Variants in OPCML observed in about 807,000 individuals in gnomAD.
OPCML encodes opioid binding protein/cell adhesion molecule like.
In OPCML, 13 loss-of-function variants were observed where a neutral mutation model predicts 37.8. The ratio of observed to expected loss-of-function variants is 0.34; its 90% CI spans 0.22 to 0.55. OPCML has a LOEUF of 0.55. OPCML is among the 20% of genes least tolerant of loss of function. The probability of loss-of-function intolerance (pLI) is 0.91; values close to 1 mark genes in which losing one functional copy is unlikely to be tolerated. For synonymous variants in OPCML, 176 were observed against 168.8 expected (o/e 1.04, Z -0.33); for missense variants, 341 against 435.6 (o/e 0.78, Z 1.93).
intron 2 of OPCML, among the ~76,000 whole-genome samples, chr11:132,837,934 G>A (rs577781576): frequency 6.6e-6 from 1 of 152,306 alleles, no homozygotes; most frequent in South Asian, 2.1e-4. Flanking sequence ...AGGGCCTCAC[G>A]TTCAATGCCA....
intron 1 of OPCML, among the ~76,000 whole-genome samples, chr11:133,420,002 G>T (rs1945852592): frequency 6.6e-6 from 1 of 152,102 alleles, no homozygotes; most frequent in East Asian, 1.9e-4. Context: ...TCATAAATTG[G>T]CTATGGATAC....
intron 2 of OPCML, among the ~76,000 whole-genome samples, chr11:132,818,708 A>C (rs1288089640): frequency 7.0e-6 from 1 of 143,762 alleles, no homozygotes; most frequent in African/African-American, 2.5e-5. Context: ...TTTTCTGGAG[A>C]ACCTTACTAA....
chr11:133,016,053 T>C (rs1165698286), intron 1 of OPCML, among the ~76,000 whole-genome samples: 1 of 152,220 alleles, frequency 6.6e-6, no homozygotes, highest in Non-Finnish European at 1.5e-5. Flanking sequence ...CTCTCTTGTT[T>C]GTGAGATCCG....
chr11:132,636,345 G>A (rs1398709208), intron 3 of OPCML, among the ~76,000 whole-genome samples: 1 of 152,178 alleles, frequency 6.6e-6, no homozygotes. Flanking sequence ...GCATACATTT[G>A]TCACATAATT....
At chr11:133,358,796 G>GA (rs145438600) in intron 1 of OPCML, among the ~76,000 whole-genome samples, 4,213 of 152,248 alleles carry the variant, frequency 0.028, 82 homozygotes, top group South Asian at 0.044. Flanking sequence ...GCAGAGCCCT[G>GA]AATGGGGGGA....
chr11:133,086,435 T>C (rs1446087566), intron 1 of OPCML, among the ~76,000 whole-genome samples: 1 of 152,184 alleles, frequency 6.6e-6, no homozygotes, highest in East Asian at 1.9e-4. Context: ...TGCAGATAAG[T>C]TCAATTTCTA....
chr11:132,438,730 G>A (rs1238067027), intron 4 of OPCML, among the ~76,000 whole-genome samples: 10 of 151,968 alleles, frequency 6.6e-5, no homozygotes, highest in African/African-American at 2.4e-4. Context: ...GGAAGGTGGA[G>A]GAGGTGGGCT....
At chr11:133,107,277 A>C (rs1219755326) in intron 1 of OPCML, among the ~76,000 whole-genome samples, 10 of 152,176 alleles carry the variant, frequency 6.6e-5, no homozygotes. Flanking sequence ...TCTGTTTGTG[A>C]TTTTCATTAG....
At chr11:132,631,375 A>C (rs1021098896) in intron 3 of OPCML, among the ~76,000 whole-genome samples, 49 of 139,598 alleles carry the variant, frequency 3.5e-4, no homozygotes, top group East Asian at 1.5e-3. Flanking sequence ...ATATATATAT[A>C]TCTCCTAGGT....
At chr11:132,621,687 T>C (rs998690436) in intron 3 of OPCML, among the ~76,000 whole-genome samples, 13 of 152,192 alleles carry the variant, frequency 8.5e-5, no homozygotes, top group Non-Finnish European at 1.6e-4. Context: ...ATCTGCATAG[T>C]GTTTGTACAG....
intron 1 of OPCML, among the ~76,000 whole-genome samples, chr11:133,370,220 T>C (rs1944641859): frequency 1.3e-5 from 2 of 152,190 alleles, no homozygotes; most frequent in Admixed American, 1.3e-4. Flanking sequence ...AGTTAAGCAC[T>C]GCCTTCAGTA....
At chr11:133,250,416 A>G (rs1378316414) in intron 1 of OPCML, among the ~76,000 whole-genome samples, 3 of 150,752 alleles carry the variant, frequency 2.0e-5, no homozygotes, top group Non-Finnish European at 4.4e-5. Context: ...AGAAGGAAGG[A>G]AGGAAGGAAA....
At chr11:132,970,593 T>G (rs567641964) in intron 1 of OPCML, among the ~76,000 whole-genome samples, 1 of 152,242 alleles carries the variant, frequency 6.6e-6, no homozygotes, top group Admixed American at 6.5e-5. Context: ...AAACTTTACT[T>G]TTTTTCCAGC....
At chr11:132,822,099 C>T (rs1038152939) in intron 2 of OPCML, among the ~76,000 whole-genome samples, 1 of 152,152 alleles carries the variant, frequency 6.6e-6, no homozygotes, top group African/African-American at 2.4e-5. Context: ...ACCAGCAAGC[C>T]TGGCTCAGGG....
At chr11:132,806,579 C>T (rs1486099166) in intron 2 of OPCML, among the ~76,000 whole-genome samples, 1 of 152,012 alleles carries the variant, frequency 6.6e-6, no homozygotes, top group Non-Finnish European at 1.5e-5. Flanking sequence ...ATGTATTCAC[C>T]TAGTAACAGA....
intron 1 of OPCML, among the ~76,000 whole-genome samples, chr11:133,326,220 CAAG>C (rs1012901672): frequency 3.2e-4 from 48 of 149,146 alleles, no homozygotes; most frequent in East Asian, 2.0e-4. Context: ...GTGTGGGAAA[CAAG>C]AAGAAGAGAA....
At chr11:133,419,348 G>A (rs1311438150) in intron 1 of OPCML, 2 of 985,274 alleles carry the variant, frequency 2.0e-6, no homozygotes, top group Non-Finnish European at 2.4e-6. Flanking sequence ...GTCACTGATA[G>A]TGATGTGCTG....
At chr11:133,383,368 T>A (rs1391042155) in intron 1 of OPCML, among the ~76,000 whole-genome samples, 2 of 152,180 alleles carry the variant, frequency 1.3e-5, no homozygotes, top group African/African-American at 4.8e-5. Context: ...TTGTCCTGAT[T>A]ATGAAAGGTT....
intron 2 of OPCML, among the ~76,000 whole-genome samples, chr11:132,806,782 C>G (rs765997128): frequency 2.6e-5 from 4 of 152,090 alleles, no homozygotes; most frequent in Non-Finnish European, 4.4e-5. Context: ...GGACACTACA[C>G]CCAACAGTGC....
Sources: gnomAD v4.1 joint callset for allele counts (sites outside exome capture counted in the v4.1 genomes callset) on GRCh38, gnomAD v4.1.1 for gene constraint, MANE v1.5 for transcripts, NCBI Gene and HGNC (gene_info 2026-07-23, HGNC 2026-07-21) for gene names.